The following EPHA3 variants were observed in gnomAD, a reference collection of about 807,000 sequenced individuals.
EPHA3 encodes EPH receptor A3.
EPHA3 carries 42 observed loss-of-function variants against 107.1 expected under a neutral mutation model. That is an observed-to-expected ratio of 0.39 (90% confidence interval 0.31 to 0.51). The LOEUF is 0.51. EPHA3 is among the 20% of genes least tolerant of loss of function. The probability of loss-of-function intolerance (pLI) is 0.78; values close to 1 mark genes in which losing one functional copy is unlikely to be tolerated. For missense variants in EPHA3, 1,183 were observed against 1,211.2 expected, an observed-to-expected ratio of 0.98 and a Z score of 0.35; for synonymous variants, 461 against 424.8, an observed-to-expected ratio of 1.09 and a Z score of -1.05.
At chr3:89,182,961 A>G (rs1340103802) in intron 2 of EPHA3, among the ~76,000 whole-genome samples, 1 of 151,966 alleles carries the variant, frequency 6.6e-6, no homozygotes. Flanking sequence ...ATTTCCACTG[A>G]ATTACACAAA....
At chr3:89,245,926 C>G (rs745911331) in intron 3 of EPHA3, among the ~76,000 whole-genome samples, 1 of 152,148 alleles carries the variant, frequency 6.6e-6, no homozygotes, top group Non-Finnish European at 1.5e-5. Context: ...AATATACAAG[C>G]TCATTTAGAA....
chr3:89,237,681 A>C (rs1038875295), intron 3 of EPHA3, among the ~76,000 whole-genome samples: 1 of 152,098 alleles, frequency 6.6e-6, no homozygotes, highest in Non-Finnish European at 1.5e-5. Flanking sequence ...TAGATGAGGA[A>C]TGGGCTGGGT....
intron 3 of EPHA3, among the ~76,000 whole-genome samples, chr3:89,297,652 G>A (rs1706388656): frequency 1.3e-5 from 2 of 152,164 alleles, no homozygotes; most frequent in African/African-American, 4.8e-5. Flanking sequence ...GGAAAAAGTG[G>A]TGCAGATAGG....
chr3:89,452,919 C>A (rs973241179), intron 15 of EPHA3, among the ~76,000 whole-genome samples: 4 of 152,098 alleles, frequency 2.6e-5, no homozygotes, highest in Non-Finnish European at 5.9e-5. Flanking sequence ...GAATCATAAA[C>A]AAGATCTTAA....
intron 10 of EPHA3, among the ~76,000 whole-genome samples, chr3:89,413,963 T>A (rs1709201546): frequency 6.6e-6 from 1 of 151,694 alleles, no homozygotes; most frequent in Admixed American, 6.6e-5. Context: ...ATGTGCAGTA[T>A]GCATGGAAGT....
rs1707006857 is a variant in EPHA3 at position 89,107,785 on chromosome 3, T to A, written c.37T>A (p.Cys13Ser). 1 of 1,614,108 alleles carries A rather than the reference T, an allele frequency of 6.2e-7. No individual in the cohort carries two copies. The highest frequency in any genetic ancestry group is 1.7e-5 in the Admixed American group (1 of 60,006). Reference sequence around the variant, plus strand: ...GCTCTCCATCCTCCTCCTTCTCAGCTGCTCTGTTCTCGACAGCTTCGGGGA... The same window carrying A: ...GCTCTCCATCCTCCTCCTTCTCAGCAGCTCTGTTCTCGACAGCTTCGGGGA... ...CQLSILLLLS[C>S]SVLDSFGELI... The change falls in exon 1 of 17, where the codon TGC (cysteine) becomes AGC (serine). Residue 13 changes from cysteine to serine, a missense_variant. By Grantham distance (112) the Cys-to-Ser change is moderately radical. Transcript: ENST00000336596.
chr3:89,469,841 G>T (rs950779697), intron 15 of EPHA3, among the ~76,000 whole-genome samples: 3 of 151,964 alleles, frequency 2.0e-5, no homozygotes, highest in African/African-American at 4.8e-5. Context: ...AATGCATGTC[G>T]ATATATTATT....
intron 3 of EPHA3, among the ~76,000 whole-genome samples, chr3:89,252,669 G>A (rs183529969): frequency 2.6e-3 from 388 of 152,084 alleles, no homozygotes; most frequent in African/African-American, 9.1e-3. Flanking sequence ...AGTCAAAGGG[G>A]CAGTTCACTG....
intron 3 of EPHA3, among the ~76,000 whole-genome samples, chr3:89,293,385 A>G (rs1706263969): frequency 6.6e-6 from 1 of 152,156 alleles, no homozygotes; most frequent in Non-Finnish European, 1.5e-5. Flanking sequence ...TTTAACAAAA[A>G]TTATTGTGCT....
In EPHA3 at chr3:89,477,526, T is replaced by G. The variant is rs115400912; in HGVS notation, c.2847-1871T>G. ...CTTTATTGCCTAGGAACCCATTTCT[T>G]AAGAAATCGATTAATCCATTTCTGT... is the stretch of plus-strand genomic sequence containing the variant. On this transcript the variant is annotated intron_variant, in intron 16 of 16. Transcript: ENST00000336596. 2.0e-3 allele frequency among the ~76,000 whole-genome samples: 309 copies of G among 152,296 alleles called. 1 individual carries two copies. Among genetic ancestry groups the G allele is most frequent in the African/African-American group, 6.5e-3 (271 of 41,572 alleles).
At chr3:89,296,929 A>G (rs1261632419) in intron 3 of EPHA3, among the ~76,000 whole-genome samples, 1 of 152,144 alleles carries the variant, frequency 6.6e-6, no homozygotes, top group Admixed American at 6.6e-5. Context: ...TTATGCAGAT[A>G]GCTTCTTTCT....
intron 3 of EPHA3, among the ~76,000 whole-genome samples, chr3:89,230,397 A>T (rs555225463): frequency 6.6e-6 from 1 of 152,246 alleles, no homozygotes; most frequent in East Asian, 1.9e-4. Context: ...GTGCAAAGTT[A>T]TGTTGGAAGT....
chr3:89,189,861 T>C (rs545172021), intron 2 of EPHA3, among the ~76,000 whole-genome samples: 10 of 152,320 alleles, frequency 6.6e-5, no homozygotes, highest in African/African-American at 2.4e-4. Flanking sequence ...ATCTGCAATT[T>C]ATTATTAGTA....
chr3:89,444,536 A>G (rs1201953293), intron 13 of EPHA3, among the ~76,000 whole-genome samples: 1 of 152,090 alleles, frequency 6.6e-6, no homozygotes, highest in Admixed American at 6.5e-5. Context: ...CTAAATTTGA[A>G]TTGTACTTTG....
intron 3 of EPHA3, among the ~76,000 whole-genome samples, chr3:89,250,312 T>C (rs1304637558): frequency 6.6e-6 from 1 of 152,220 alleles, no homozygotes; most frequent in Non-Finnish European, 1.5e-5. Context: ...ATGCATTTAC[T>C]CAGTTGCTTC....
At chr3:89,200,235 A>T (rs1460593357) in intron 2 of EPHA3, among the ~76,000 whole-genome samples, 1 of 152,186 alleles carries the variant, frequency 6.6e-6, no homozygotes, top group Non-Finnish European at 1.5e-5. Flanking sequence ...AAAATTAAAG[A>T]TATCAATTTA....
At chr3:89,376,356 C>G (rs1322542990) in intron 5 of EPHA3, among the ~76,000 whole-genome samples, 1 of 151,174 alleles carries the variant, frequency 6.6e-6, no homozygotes. Context: ...TATATATATA[C>G]ACACAACTAA....
At chr3:89,186,197 T>C (rs1001363880) in intron 2 of EPHA3, among the ~76,000 whole-genome samples, 5 of 152,018 alleles carry the variant, frequency 3.3e-5, no homozygotes, top group African/African-American at 1.2e-4. Flanking sequence ...TAGACTTCTT[T>C]TGGTAAAATT....
chr3:89,259,236 T>C (rs1341185713), intron 3 of EPHA3, among the ~76,000 whole-genome samples: 1 of 152,186 alleles, frequency 6.6e-6, no homozygotes, highest in East Asian at 1.9e-4. Context: ...TCTTCACCTG[T>C]GGCCACCTTG....
Sources: allele counts gnomAD v4.1 joint callset (sites outside exome capture counted in the v4.1 genomes callset), GRCh38; gene constraint gnomAD v4.1.1; transcripts MANE v1.5; gene names NCBI Gene and HGNC (gene_info 2026-07-23, HGNC 2026-07-21).